Variants in OR1F1 observed in about 807,000 individuals in gnomAD.
The protein encoded by OR1F1 is olfactory receptor 1F1.
For missense variants in OR1F1, 493 were observed against 376.3 expected (o/e 1.31, Z -2.57); for synonymous variants, 184 against 156.7 (o/e 1.17, Z -1.30).
At chr16:3,192,722 T>G in the OR1F1 span, among the ~76,000 whole-genome samples, 1 of 151,956 alleles carries the variant, frequency 6.6e-6, no homozygotes, top group African/African-American at 2.4e-5. Flanking sequence ...AGGTGCAGGG[T>G]AGAATCTCCC....
At chr16:3,200,130 G>A (rs988876175), upstream of OR1F1, among the ~76,000 whole-genome samples, 1 of 152,134 alleles carries the variant, frequency 6.6e-6, no homozygotes, top group African/African-American at 2.4e-5. Flanking sequence ...ATGCACGAGG[G>A]AGACTCCCTT....
chr16:3,200,327 A>G (rs543911630), upstream of OR1F1, among the ~76,000 whole-genome samples: 13 of 152,120 alleles, frequency 8.5e-5, no homozygotes, highest in African/African-American at 2.9e-4. Context: ...ATGAGGAAAA[A>G]GGCTGGGCAT....
upstream of OR1F1, among the ~76,000 whole-genome samples, chr16:3,201,498 T>C (rs7194454): frequency 0.077 from 11,750 of 152,204 alleles, 1,496 homozygotes; most frequent in African/African-American, 0.26. Context: ...GTCTGCTTGT[T>C]TAATTATTGC....
the OR1F1 span, among the ~76,000 whole-genome samples, chr16:3,198,500 G>A: frequency 6.6e-6 from 1 of 152,172 alleles, no homozygotes; most frequent in Non-Finnish European, 1.5e-5. Flanking sequence ...AATCAACACA[G>A]TTCTGTACAG....
chr16:3,192,872 C>A, the OR1F1 span, among the ~76,000 whole-genome samples: 2 of 152,064 alleles, frequency 1.3e-5, no homozygotes, highest in Non-Finnish European at 2.9e-5. Flanking sequence ...GTGTCTGACT[C>A]GCGCCGTCTG....
the OR1F1 span, among the ~76,000 whole-genome samples, chr16:3,195,586 G>T: frequency 6.6e-6 from 1 of 150,976 alleles, no homozygotes; most frequent in South Asian, 2.1e-4. Flanking sequence ...GGAGGCTGAG[G>T]CAAGAGAATC....
chr16:3,190,790 GAAC>G, the OR1F1 span, among the ~76,000 whole-genome samples: 2 of 146,516 alleles, frequency 1.4e-5, no homozygotes, highest in African/African-American at 5.0e-5. Context: ...AAGGTATCAT[GAAC>G]AACAAGTCAT....
chr16:3,188,901 A>C, the OR1F1 span, among the ~76,000 whole-genome samples: 1 of 152,162 alleles, frequency 6.6e-6, no homozygotes, highest in African/African-American at 2.4e-5. Context: ...CCCCCAGTGA[A>C]GGGCAAGGGG....
chr16:3,196,138 A>T, the OR1F1 span, among the ~76,000 whole-genome samples: 1 of 152,256 alleles, frequency 6.6e-6, no homozygotes, highest in Non-Finnish European at 1.5e-5. Context: ...CATTATCAGA[A>T]AACCTTGCAG....
chr16:3,190,250 C>T, the OR1F1 span, among the ~76,000 whole-genome samples: 1 of 152,106 alleles, frequency 6.6e-6, no homozygotes, highest in African/African-American at 2.4e-5. Context: ...CTCCTCTGCT[C>T]CCCTGTCCTG....
chr16:3,193,010 C>A, the OR1F1 span, among the ~76,000 whole-genome samples: 11 of 152,322 alleles, frequency 7.2e-5, no homozygotes, highest in Non-Finnish European at 1.6e-4. Flanking sequence ...GATCTCGGCT[C>A]ACTGCAGCCT....
At chr16:3,205,253 A>T (rs1958191894), downstream of OR1F1, 1 of 1,114,848 alleles carries the variant, frequency 9.0e-7, no homozygotes, top group Non-Finnish European at 1.3e-6. Flanking sequence ...TTAATGCAGT[A>T]GTTGTTTCAT....
upstream of OR1F1, among the ~76,000 whole-genome samples, chr16:3,202,494 T>C (rs979597005): frequency 3.3e-5 from 5 of 152,098 alleles, no homozygotes; most frequent in African/African-American, 1.2e-4. Context: ...GTGTCCATTC[T>C]CCTCCTCCTC....
At chr16:3,201,854 G>A (rs11077317), upstream of OR1F1, among the ~76,000 whole-genome samples, 30,030 of 152,060 alleles carry the variant, frequency 0.2, 3,088 homozygotes, top group Non-Finnish European at 0.24. Context: ...TGACCCAAAC[G>A]TTACTACCCC....
At chr16:3,191,495 A>G in the OR1F1 span, among the ~76,000 whole-genome samples, 168 of 152,268 alleles carry the variant, frequency 1.1e-3, no homozygotes, top group Non-Finnish European at 1.2e-3. Context: ...AAACGTTCCC[A>G]GGGAAGCCCG....
the OR1F1 span, among the ~76,000 whole-genome samples, chr16:3,198,820 T>C: frequency 7.3e-5 from 11 of 151,606 alleles, no homozygotes; most frequent in African/African-American, 2.7e-4. Context: ...AAACCCCGGC[T>C]CTACAAAAAA....
At chr16:3,204,630 C>T in exon 1 of OR1F1, 1 of 1,614,162 alleles carries the variant, frequency 6.2e-7, no homozygotes, top group African/African-American at 1.3e-5. Flanking sequence ...CCGTGTGCCA[C>T]CCCTTACATT....
upstream of OR1F1, among the ~76,000 whole-genome samples, chr16:3,199,965 G>A (rs1053119113): frequency 3.3e-5 from 5 of 151,326 alleles, no homozygotes; most frequent in Admixed American, 6.6e-5. Context: ...GTGGTGAACC[G>A]AGATCATGCC....
At chr16:3,191,069 G>A in the OR1F1 span, among the ~76,000 whole-genome samples, 1 of 152,186 alleles carries the variant, frequency 6.6e-6, no homozygotes, top group Admixed American at 6.6e-5. Context: ...ACTTCTGTGA[G>A]CTCCCAGTGA....
Sources: allele counts gnomAD v4.1 joint callset (sites outside exome capture counted in the v4.1 genomes callset), GRCh38; gene constraint gnomAD v4.1.1; transcripts MANE v1.5; gene names NCBI Gene and HGNC (gene_info 2026-07-23, HGNC 2026-07-21).